Variants in BICC1 observed in about 807,000 individuals in gnomAD.
BICC1 encodes the protein protein bicaudal C homolog 1.
In BICC1, 43 loss-of-function variants were observed where a neutral mutation model predicts 111.0. The observed-to-expected ratio is 0.39, with a 90% CI of 0.30 to 0.50. The LOEUF (loss-of-function observed/expected upper bound fraction) is 0.50. Among genes scored for constraint, BICC1 ranks in the 20% least tolerant of loss-of-function variants. The pLI, the probability that BICC1 is intolerant of heterozygous loss-of-function variation, is 0.88. For synonymous variants in BICC1, 467 were observed against 434.4 expected (o/e 1.07, Z -0.93); for missense variants, 1,091 against 1,203.2 (o/e 0.91, Z 1.38).
At chr10:58,521,139 A>G (rs1391025754) in intron 1 of BICC1, among the ~76,000 whole-genome samples, 1 of 152,094 alleles carries the variant, frequency 6.6e-6, no homozygotes, top group Non-Finnish European at 1.5e-5. Flanking sequence ...ACACTACAAC[A>G]TTTTAGAATA....
chr10:58,716,240 AAC>A lies in BICC1; in HGVS notation c.307+14101_307+14102del, dbSNP rs1378004514. 4.7e-6 allele frequency: 7 copies of A among 1,496,524 alleles called. No individual in the cohort carries two copies. The Admixed American group carries it at 6.0e-5, about 13-fold the overall frequency. The allele number at this position is 1,496,524 out of a possible 1,614,324, so 92.7% of individuals were successfully genotyped here. On this transcript the variant is annotated intron_variant, in intron 3 of 20. Coordinates refer to ENST00000373886, the MANE Select transcript of BICC1 (RefSeq NM_001080512.3). ...ACAAAAAAGAATAAGAAGCATAAGAAACACAGTAAGAAGAAAAGGCTGTTAGT... is the reference window on the plus strand; with the variant it reads ...ACAAAAAAGAATAAGAAGCATAAGAAACAGTAAGAAGAAAAGGCTGTTAGT...
At chr10:58,596,707 A>G (rs181498911) in intron 1 of BICC1, among the ~76,000 whole-genome samples, 2 of 152,216 alleles carry the variant, frequency 1.3e-5, no homozygotes, top group Non-Finnish European at 2.9e-5. Context: ...ACTTCAGCAA[A>G]GTCTCAGGAT....
intron 3 of BICC1, among the ~76,000 whole-genome samples, chr10:58,730,812 T>A (rs373929679): frequency 3.5e-4 from 53 of 152,094 alleles, no homozygotes; most frequent in South Asian, 1.0e-3. Context: ...ACAGGGATAC[T>A]GGGAGCAGTG....
intron 2 of BICC1, among the ~76,000 whole-genome samples, chr10:58,630,504 C>A (rs916916626): frequency 6.6e-6 from 1 of 152,120 alleles, no homozygotes; most frequent in East Asian, 1.9e-4. Flanking sequence ...TCATAGCTCA[C>A]TACAGCCTAG....
chr10:58,800,411 G>A (rs1258853150), intron 13 of BICC1, 85 bp downstream of exon 13: 2 of 1,365,298 alleles, frequency 1.5e-6, no homozygotes, highest in African/African-American at 2.9e-5. Context: ...TGATTTTTGA[G>A]TTGGTTTTGC....
At chr10:58,738,455 G>T (rs1347667316) in intron 3 of BICC1, among the ~76,000 whole-genome samples, 1 of 152,136 alleles carries the variant, frequency 6.6e-6, no homozygotes, top group Non-Finnish European at 1.5e-5. Context: ...ATATCTCTGT[G>T]TTGGTGCCAG....
chr10:58,789,664 CCCA>C lies in BICC1; in HGVS notation c.796-15_796-13del. 1 of 1,613,472 alleles carries C rather than the reference CCCA, an allele frequency of 6.2e-7. No individual in the cohort carries two copies. The highest frequency in any genetic ancestry group is 8.5e-7 in the Non-Finnish European group (1 of 1,179,578). On this transcript the variant is annotated splice_polypyrimidine_tract_variant and intron_variant, in intron 7 of 20. Transcript: ENST00000373886. ...AGTTAATGTATAGGATTATTTCTTT[CCCA>C]CCCTTTTCTCTTAGGAAGGAACTGC...
intron 1 of BICC1, among the ~76,000 whole-genome samples, chr10:58,599,092 C>A (rs1248534297): frequency 1.3e-5 from 2 of 152,148 alleles, no homozygotes; most frequent in East Asian, 3.9e-4. Flanking sequence ...GACAGTGTAG[C>A]AATTCCTCAA....
At chr10:58,539,865 G>T (rs979560750) in intron 1 of BICC1, among the ~76,000 whole-genome samples, 4 of 151,814 alleles carry the variant, frequency 2.6e-5, no homozygotes, top group Admixed American at 6.6e-5. Context: ...CATTCTTCAG[G>T]ATATATCACA....
At chr10:58,666,703 A>G (rs1303574848) in intron 2 of BICC1, among the ~76,000 whole-genome samples, 2 of 152,138 alleles carry the variant, frequency 1.3e-5, no homozygotes, top group Non-Finnish European at 2.9e-5. Context: ...CACCTGTTAA[A>G]TGGAATAGTG....
chr10:58,759,709 C>T lies in BICC1; in HGVS notation c.308-25292C>T, dbSNP rs546812535. Reference sequence around the variant, plus strand: ...GCGCGGTGGCTCACACCTGTAATCCCAGCACTTTGGGAGGCCGAGGCGGGT... The same window carrying T: ...GCGCGGTGGCTCACACCTGTAATCCTAGCACTTTGGGAGGCCGAGGCGGGT... On this transcript the variant is annotated intron_variant, in intron 3 of 20. Transcript: ENST00000373886. 3.2e-4 allele frequency among the ~76,000 whole-genome samples: 49 copies of T among 152,186 alleles called. 1 individual carries two copies. In the East Asian group the frequency reaches 9.1e-3, roughly 28 times the overall value.
chr10:58,796,610 AT>A (rs1310297805), intron 10 of BICC1, 84 bp downstream of exon 10: 11 of 1,320,808 alleles, frequency 8.3e-6, no homozygotes, highest in Non-Finnish European at 1.1e-5. Flanking sequence ...TCGGGTCTAC[AT>A]TTAAAGGCTA....
intron 1 of BICC1, among the ~76,000 whole-genome samples, chr10:58,547,165 T>A (rs565986741): frequency 6.6e-6 from 1 of 152,180 alleles, no homozygotes; most frequent in Non-Finnish European, 1.5e-5. Flanking sequence ...CAGTCCATAC[T>A]TTATTCAGAT....
intron 2 of BICC1, among the ~76,000 whole-genome samples, chr10:58,640,927 G>T (rs933154781): frequency 6.6e-6 from 1 of 152,160 alleles, no homozygotes; most frequent in Admixed American, 6.5e-5. Context: ...TAGATAAAAA[G>T]CTTTCTTAAG....
In BICC1 at chr10:58,769,300, A is replaced by G. The variant is rs77416659; in HGVS notation, c.308-15701A>G. ...ATGTTCTCAACACACACACACACAC[A>G]CACACACATGCACACGCACAGAGGT... On this transcript the variant is annotated intron_variant, in intron 3 of 20. Transcript: ENST00000373886. Among the ~76,000 whole-genome samples the G allele has an allele frequency of 3.5e-3, 530 of 150,772 alleles. 5 individuals carry two copies. Among genetic ancestry groups the G allele is most frequent in the Non-Finnish European group, 5.1e-3 (348 of 67,652 alleles).
At chr10:58,727,586 C>T (rs1348759290) in intron 3 of BICC1, among the ~76,000 whole-genome samples, 1 of 146,148 alleles carries the variant, frequency 6.8e-6, no homozygotes, top group Non-Finnish European at 1.5e-5. Context: ...GATGCTGTCT[C>T]AACAACAAAA....
chr10:58,781,955 C>T (rs1332242046), intron 3 of BICC1, among the ~76,000 whole-genome samples: 1 of 152,068 alleles, frequency 6.6e-6, no homozygotes, highest in African/African-American at 2.4e-5. Flanking sequence ...TTTGAAGAAC[C>T]ACTTTCCAAA....
At chr10:58,736,733 A>C (rs1841479645) in intron 3 of BICC1, among the ~76,000 whole-genome samples, 2 of 152,196 alleles carry the variant, frequency 1.3e-5, no homozygotes, top group African/African-American at 4.8e-5. Flanking sequence ...AAGTAGTTAA[A>C]GTCATTGTAT....
intron 1 of BICC1, among the ~76,000 whole-genome samples, chr10:58,609,868 A>G (rs1375067946): frequency 2.0e-5 from 3 of 152,228 alleles, no homozygotes; most frequent in Non-Finnish European, 4.4e-5. Context: ...TTCTAAAAAA[A>G]CATTGAAATT....
Sources: allele counts gnomAD v4.1 joint callset (sites outside exome capture counted in the v4.1 genomes callset), GRCh38; gene constraint gnomAD v4.1.1; transcripts MANE v1.5; gene names NCBI Gene and HGNC (gene_info 2026-07-23, HGNC 2026-07-21).